The following ATP13A4 variants were observed in gnomAD, a reference collection of about 807,000 sequenced individuals.
The protein encoded by ATP13A4 is ATPase 13A4.
Under a neutral mutation model 142.5 loss-of-function variants are expected in ATP13A4, and 114 were observed. The ratio of observed to expected loss-of-function variants is 0.80; its 90% CI spans 0.69 to 0.93. The LOEUF (loss-of-function observed/expected upper bound fraction) is 0.93, where lower values mean the gene tolerates loss of function less well. Among genes scored for constraint, ATP13A4 ranks in the 40% least tolerant of loss-of-function variants. The pLI is 0.00. For missense variants in ATP13A4, 1,392 were observed against 1,454.0 expected (o/e 0.96, Z 0.69); for synonymous variants, 488 against 514.8 (o/e 0.95, Z 0.70).
rs889371110 is a variant in ATP13A4 at position 193,400,231 on chromosome 3, G to T, written c.*2421C>A. The stretch of plus-strand genomic sequence containing the variant: ...TTCCTTCAATTACTGCTTCTAAGAT[G>T]TAGTTAATCCCAGGAATACAGTCTT... On this transcript the variant is annotated 3_prime_UTR_variant, in exon 30 of 30. Transcript: ENST00000342695. 6.6e-6 allele frequency among the ~76,000 whole-genome samples: 1 copy of T among 152,198 alleles called. No homozygotes were observed. Among genetic ancestry groups the T allele is most frequent in the Non-Finnish European group, 1.5e-5 (1 of 68,044 alleles).
intron 25 of ATP13A4, among the ~76,000 whole-genome samples, chr3:193,430,805 G>A (rs1715929470): frequency 1.3e-5 from 2 of 151,942 alleles, no homozygotes; most frequent in South Asian, 4.2e-4. Flanking sequence ...CTTGAATTGA[G>A]TCAAAATGGG....
rs774750894 is a variant in ATP13A4 at position 193,441,525 on chromosome 3, C to A, written c.2380G>T (p.Ala794Ser). The A allele has an allele frequency of 1.9e-6, 3 of 1,613,568 alleles. No homozygotes were observed. The highest frequency in any genetic ancestry group is 2.5e-6 in the Non-Finnish European group (3 of 1,179,576). The change falls in exon 20 of 30, where the codon GCC becomes TCC. Residue 794 changes from alanine to serine, a missense_variant. Ala to Ser is a moderately conservative substitution (Grantham distance 99). Transcript: ENST00000342695. ...DKGREGSYHF[A>S]LTGKSFHVIS... Reference sequence around the variant, plus strand: ...ACATGAAAGGATTTTCCAGTTAGGGCAAAATGGTAACTTCCTTCTCTGCCT... The same window carrying A: ...ACATGAAAGGATTTTCCAGTTAGGGAAAAATGGTAACTTCCTTCTCTGCCT...
At chr3:193,566,534 T>C (rs546008069) in intron 2 of ATP13A4, among the ~76,000 whole-genome samples, 41 of 152,306 alleles carry the variant, frequency 2.7e-4, no homozygotes, top group African/African-American at 9.4e-4. Context: ...CACAAGAGCC[T>C]GGCACCCCTT....
At chr3:193,418,220 G>T (rs553934087) in intron 25 of ATP13A4, among the ~76,000 whole-genome samples, 1 of 142,976 alleles carries the variant, frequency 7.0e-6, no homozygotes, top group South Asian at 2.2e-4. Context: ...AGGAGGCTGA[G>T]GCAGGAGAAT....
At chr3:193,438,820 G>A (rs111940777) in intron 22 of ATP13A4, among the ~76,000 whole-genome samples, 40 of 152,242 alleles carry the variant, frequency 2.6e-4, no homozygotes, top group African/African-American at 7.5e-4. Flanking sequence ...CCATTGAATC[G>A]TGTGACTTTG....
At chr3:193,495,841 T>TA (rs891322847) in intron 3 of ATP13A4, among the ~76,000 whole-genome samples, 26 of 151,670 alleles carry the variant, frequency 1.7e-4, no homozygotes, top group African/African-American at 4.8e-4. Context: ...AAGCCTCCAC[T>TA]AAAAAAAACT....
intron 3 of ATP13A4, among the ~76,000 whole-genome samples, chr3:193,494,793 A>G (rs550870660): frequency 6.6e-6 from 1 of 152,030 alleles, no homozygotes; most frequent in Non-Finnish European, 1.5e-5. Context: ...ATAAAACGAG[A>G]CAACAAAAGG....
chr3:193,485,525 G>T (rs776579466), intron 7 of ATP13A4, among the ~76,000 whole-genome samples: 1 of 152,154 alleles, frequency 6.6e-6, no homozygotes, highest in African/African-American at 2.4e-5. Context: ...AATATCACAA[G>T]AGACTAAATG....
At chr3:193,410,572 A>G (rs1714717557) in intron 28 of ATP13A4, among the ~76,000 whole-genome samples, 1 of 152,106 alleles carries the variant, frequency 6.6e-6, no homozygotes, top group African/African-American at 2.4e-5. Flanking sequence ...TTAAAAAATT[A>G]GCTGGGCATC....
chr3:193,591,402 G>A (rs1484440807), intron 1 of ATP13A4, among the ~76,000 whole-genome samples: 5 of 152,186 alleles, frequency 3.3e-5, no homozygotes, highest in Non-Finnish European at 7.3e-5. Flanking sequence ...CAGGTCTGTG[G>A]GCTGAATTTG....
rs1395987612 is a variant in ATP13A4 at position 193,467,596 on chromosome 3, T to C, written c.944-110A>G. The C allele has an allele frequency of 7.4e-5, 81 of 1,089,014 alleles. 2 individuals are homozygous for C. The South Asian group carries it at 9.7e-4, about 13-fold the overall frequency. 67.5% of individuals were successfully genotyped at this position (1,089,014 alleles called of 1,614,324 possible). ...ACATTTTTTTTGTGAGCCTACCATG[T>C]GGCAGAGACAACCCTAGGTATTGGG... On this transcript the variant is annotated intron_variant, in intron 9 of 29. Transcript: ENST00000342695.
chr3:193,485,238 T>A lies in ATP13A4; in HGVS notation c.739-1233A>T, dbSNP rs894027081. 3.3e-5 allele frequency among the ~76,000 whole-genome samples: 5 copies of A among 151,832 alleles called. 1 individual carries two copies. Among genetic ancestry groups the A allele is most frequent in the Admixed American group, 1.3e-4 (2 of 15,248 alleles). ...TCTGGAAGGCAGAAAGCAAGGGAGA[T>A]GCTGGGTGAATGAAGGCAGGAGAAA... On this transcript the variant is annotated intron_variant, in intron 7 of 29. Transcript: ENST00000342695.
chr3:193,522,803 A>T (rs1420964727), intron 1 of ATP13A4, among the ~76,000 whole-genome samples: 1 of 152,234 alleles, frequency 6.6e-6, no homozygotes, highest in African/African-American at 2.4e-5. Flanking sequence ...TTCTACAGGC[A>T]TCATCCTAAT....
chr3:193,496,716 G>A (rs1443342552), intron 3 of ATP13A4, among the ~76,000 whole-genome samples: 1 of 152,036 alleles, frequency 6.6e-6, no homozygotes, highest in Non-Finnish European at 1.5e-5. Context: ...GCTTGGACCT[G>A]GGAGGCCGAG....
intron 2 of ATP13A4, among the ~76,000 whole-genome samples, chr3:193,513,448 T>A (rs547800523): frequency 6.6e-6 from 1 of 152,320 alleles, no homozygotes; most frequent in East Asian, 1.9e-4. Context: ...AAAAGTCAAC[T>A]AGAAGAGAGT....
chr3:193,568,372 T>C (rs1046834315), intron 2 of ATP13A4, among the ~76,000 whole-genome samples: 1 of 152,186 alleles, frequency 6.6e-6, no homozygotes, highest in African/African-American at 2.4e-5. Context: ...GCAAAAGCTT[T>C]CATCTAATTG....
intron 1 of ATP13A4, among the ~76,000 whole-genome samples, chr3:193,516,219 A>AAG (rs1292964666): frequency 6.6e-6 from 1 of 152,194 alleles, no homozygotes; most frequent in East Asian, 1.9e-4. Context: ...TCACCTGATA[A>AAG]AGATTACATT....
chr3:193,557,723 C>T (rs1360910463), upstream of ATP13A4, among the ~76,000 whole-genome samples: 1 of 152,194 alleles, frequency 6.6e-6, no homozygotes, highest in Non-Finnish European at 1.5e-5. Context: ...TTATTTGGCA[C>T]ATCCAAAGTG....
intron 3 of ATP13A4, among the ~76,000 whole-genome samples, chr3:193,500,413 TC>T (rs993011241): frequency 1.9e-4 from 29 of 152,142 alleles, no homozygotes; most frequent in Non-Finnish European, 3.7e-4. Context: ...TCTTCAGACT[TC>T]CTTTAAACCA....
Sources: allele counts gnomAD v4.1 joint callset (sites outside exome capture counted in the v4.1 genomes callset), GRCh38; gene constraint gnomAD v4.1.1; transcripts MANE v1.5; gene names NCBI Gene and HGNC (gene_info 2026-07-23, HGNC 2026-07-21).